USP8: variants seen among roughly 807,000 people sequenced by gnomAD.
The protein encoded by USP8 is ubiquitin carboxyl-terminal hydrolase 8.
Under a neutral mutation model 130.0 loss-of-function variants are expected in USP8, and 27 were observed. That is an observed-to-expected ratio of 0.21 (90% CI 0.15 to 0.29). The LOEUF (loss-of-function observed/expected upper bound fraction) is 0.29. Ranked by LOEUF, USP8 falls within the 10% of genes least tolerant of loss-of-function variation. USP8 has a pLI of 1.00. For synonymous variants in USP8, 392 were observed against 444.1 expected (o/e 0.88, Z 1.48); for missense variants, 1,029 against 1,312.2 (o/e 0.78, Z 3.33).
At chr15:50,497,026 T>C in intron 17 of USP8, 63 bp from the exon 18 acceptor site, 1 of 1,536,866 alleles carries the variant, frequency 6.5e-7, no homozygotes, top group Non-Finnish European at 8.7e-7. Flanking sequence ...ACTAAATAGG[T>C]GCTCTCTGAC....
intron 4 of USP8, among the ~76,000 whole-genome samples, chr15:50,457,919 G>C (rs1040624047): frequency 5.3e-5 from 8 of 150,814 alleles, no homozygotes; most frequent in African/African-American, 1.9e-4. Flanking sequence ...AAAATGTAAA[G>C]ATACAATAAA....
chr15:50,458,841 G>A (rs1161964865), intron 4 of USP8, among the ~76,000 whole-genome samples, 159 bp from the exon 5 acceptor site: 1 of 152,198 alleles, frequency 6.6e-6, no homozygotes, highest in East Asian at 1.9e-4. Flanking sequence ...TAAATCTACA[G>A]ATGGCCTCAG....
Position 50,465,050 on chromosome 15 carries a change from C to T in USP8, c.545C>T (p.Ala182Val). 1 of 1,613,382 alleles carries T rather than the reference C, an allele frequency of 6.2e-7. No individual in the cohort carries two copies. The highest frequency in any genetic ancestry group is 8.5e-7 in the Non-Finnish European group (1 of 1,179,660). Residue 182 changes from alanine (A) to valine (V), a missense_variant, in exon 7 of 20, where the codon GCA becomes GTA. By Grantham distance (64) the Ala-to-Val change is moderately conservative (BLOSUM62 0). Coordinates refer to ENST00000307179, the MANE Select transcript of USP8 (RefSeq NM_005154.5). Reference protein sequence around the residue: ...NEKCETKEKGAITAKELYTMM... With the variant: ...NEKCETKEKGVITAKELYTMM... ...CACTGTCTCTCTCAATTCCAAGGAG[C>T]AATCACAGCAAAGGAACTATACACA...
At chr15:50,484,046 A>G (rs543630612) in intron 11 of USP8, among the ~76,000 whole-genome samples, 1 of 152,098 alleles carries the variant, frequency 6.6e-6, no homozygotes. Flanking sequence ...CCAGTGCTTC[A>G]CAGTCCACTT....
chr15:50,505,924 C>G lies in USP8; in HGVS notation c.*6836C>G, dbSNP rs1214428054. The G allele has an allele frequency of 3.3e-5, 5 of 152,332 alleles. No homozygotes were observed. Among genetic ancestry groups the G allele is most frequent in the Non-Finnish European group, 5.9e-5 (4 of 68,138 alleles). 9.4% of individuals were successfully genotyped at this position (152,332 alleles called of 1,614,324 possible). A position where few individuals can be genotyped will look rare whatever the true frequency, so the allele number is the denominator to read the frequency against. On this transcript the variant is annotated 3_prime_UTR_variant, in exon 20 of 20. Transcript: ENST00000307179. ...TGAGCTATGATTCATTGCACTAGTG[C>G]ACTCCAGTCTGGGCAACAGAGTGAG... is the stretch of plus-strand genomic sequence containing the variant.
intron 3 of USP8, 30 bp downstream of exon 3, chr15:50,441,523 T>C (rs2141256700): frequency 1.3e-6 from 2 of 1,525,242 alleles, no homozygotes; most frequent in African/African-American, 1.4e-5. Flanking sequence ...TGTTATTTCC[T>C]AAGTTATTTT....
intron 11 of USP8, 134 bp downstream of exon 11, chr15:50,482,199 A>C: frequency 2.7e-6 from 2 of 736,790 alleles, no homozygotes; most frequent in East Asian, 6.5e-5. Flanking sequence ...GTACTGATCT[A>C]TCCACATTTG....
chr15:50,505,388 G>A lies in USP8; in HGVS notation c.*6300G>A, dbSNP rs2052644881. ...AATACAGTAGCTTCAAAATAATAGA[G>A]AAAAATAACTGTCAATCTGGAATTT... On this transcript the variant is annotated 3_prime_UTR_variant, in exon 20 of 20. Coordinates refer to ENST00000307179, the MANE Select transcript of USP8 (RefSeq NM_005154.5). 6.6e-6 allele frequency: 1 copy of A among 152,088 alleles called. No individual in the cohort carries two copies. The highest frequency in any genetic ancestry group is 1.5e-5 in the Non-Finnish European group (1 of 68,014). The allele number at this position is 152,088 out of a possible 1,614,324, so 9.4% of individuals were successfully genotyped here. A position where few individuals can be genotyped will look rare whatever the true frequency, so the allele number is the denominator to read the frequency against.
chr15:50,432,884 A>G (rs1252699324), intron 1 of USP8, among the ~76,000 whole-genome samples: 1 of 152,224 alleles, frequency 6.6e-6, no homozygotes, highest in Non-Finnish European at 1.5e-5. Context: ...AATACCATAC[A>G]TTTTAGCAGT....
intron 1 of USP8, among the ~76,000 whole-genome samples, chr15:50,428,910 T>G (rs1463977581): frequency 6.6e-6 from 1 of 152,188 alleles, no homozygotes; most frequent in African/African-American, 2.4e-5. Context: ...GAGGGTTACT[T>G]GAACACAAGC....
intron 16 of USP8, 148 bp downstream of exon 16, chr15:50,494,428 AG>A: frequency 3.0e-6 from 2 of 658,870 alleles, no homozygotes; most frequent in South Asian, 5.2e-5. Flanking sequence ...ATAAAACATC[AG>A]GTAAGTGTAA....
At chr15:50,430,382 C>A (rs533392784) in intron 1 of USP8, among the ~76,000 whole-genome samples, 15 of 152,122 alleles carry the variant, frequency 9.9e-5, no homozygotes, top group South Asian at 8.3e-4. Flanking sequence ...TTATTCTTTT[C>A]TTTTCTTTTT....
intron 18 of USP8, among the ~76,000 whole-genome samples, chr15:50,497,985 G>T (rs1224786910): frequency 1.3e-5 from 2 of 151,996 alleles, no homozygotes; most frequent in Non-Finnish European, 2.9e-5. Flanking sequence ...TCTAACAAAA[G>T]CTAGTTTTTT....
At chr15:50,437,205 G>C (rs1011553288) in intron 1 of USP8, among the ~76,000 whole-genome samples, 3 of 151,962 alleles carry the variant, frequency 2.0e-5, no homozygotes, top group African/African-American at 7.3e-5. Context: ...TATAAAGCAT[G>C]ATACTAAAAT....
In USP8 at chr15:50,501,923, A is replaced by G. The variant is rs1285741166; in HGVS notation, c.*2835A>G. 1 of 152,200 alleles carries G rather than the reference A, an allele frequency of 6.6e-6. No individual in the cohort carries two copies. The highest frequency in any genetic ancestry group is 2.4e-5 in the African/African-American group (1 of 41,452). 9.4% of individuals were successfully genotyped at this position (152,200 alleles called of 1,614,324 possible). A position where few individuals can be genotyped will look rare whatever the true frequency, so the allele number is the denominator to read the frequency against. On this transcript the variant is annotated 3_prime_UTR_variant, in exon 20 of 20. Coordinates refer to ENST00000307179, the MANE Select transcript of USP8 (RefSeq NM_005154.5). ...CAAATGTCAATGTCCTTAAAGTTTT[A>G]TGGGAACACAGTCATGCTCATTTGT...
At chr15:50,453,035 A>G (rs753451995) in intron 4 of USP8, among the ~76,000 whole-genome samples, 3 of 152,188 alleles carry the variant, frequency 2.0e-5, no homozygotes, top group Non-Finnish European at 4.4e-5. Flanking sequence ...AGTGGTGTTG[A>G]TATTTCCATA....
Position 50,492,755 on chromosome 15 carries a change from G to T in USP8, c.2289G>T (p.Arg763=). The T allele has an allele frequency of 6.2e-7, 1 of 1,614,080 alleles. No homozygotes were observed. Among genetic ancestry groups the T allele is most frequent in the Non-Finnish European group, 8.5e-7 (1 of 1,180,012 alleles). The stretch of plus-strand genomic sequence containing the variant: ...CAAGGCTTTCTGCTTCTCAGATTCG[G>T]AACCTCAATCCTGTTTTTGGAGGTT... ...EISRLSASQI[R]NLNPVFGGSG... is the part of the protein sequence containing the mutation. Residue 763 remains arginine (R), a synonymous_variant, in exon 15 of 20, where the codon CGG becomes CGT. Transcript: ENST00000307179.
At position 50,497,214 on chromosome 15, in the gene USP8, T is replaced by C; in HGVS notation, c.3021T>C (p.Leu1007=). ...AAATCTGGAAGTTACCACCTGTGCT[T>C]TTAGTGCATCTGAAACGGTAAAGGG... The part of the protein sequence containing the change: ...KIEIWKLPPV[L]LVHLKRFSYD... The change falls in exon 18 of 20, where the codon CTT becomes CTC. Residue 1007 remains leucine (L), a synonymous_variant. Transcript: ENST00000307179. The C allele has an allele frequency of 6.2e-7, 1 of 1,608,728 alleles. No individual in the cohort carries two copies. The highest frequency in any genetic ancestry group is 8.5e-7 in the Non-Finnish European group (1 of 1,178,458).
At chr15:50,436,588 C>G (rs2050098888) in intron 1 of USP8, among the ~76,000 whole-genome samples, 1 of 152,060 alleles carries the variant, frequency 6.6e-6, no homozygotes, top group Non-Finnish European at 1.5e-5. Context: ...AACCTCACCT[C>G]CCGGGTTCAA....
Sources: allele counts gnomAD v4.1 joint callset (sites outside exome capture counted in the v4.1 genomes callset), GRCh38; gene constraint gnomAD v4.1.1; transcripts MANE v1.5; gene names NCBI Gene and HGNC (gene_info 2026-07-23, HGNC 2026-07-21).